The following NSMCE2 variants were observed in gnomAD, a reference collection of about 807,000 sequenced individuals.
NSMCE2 encodes the protein NSE2 SUMO ligase component of SMC5/6 complex.
In NSMCE2, 24 loss-of-function variants were observed where a neutral mutation model predicts 23.8. The ratio of observed to expected loss-of-function variants is 1.01; its 90% CI spans 0.73 to 1.42. NSMCE2 has a LOEUF of 1.42. Among genes scored for constraint, NSMCE2 ranks in the 40% most tolerant of loss-of-function variants. The probability of loss-of-function intolerance (pLI) is 0.00; values close to 1 mark genes in which losing one functional copy is unlikely to be tolerated. For missense variants in NSMCE2, 284 were observed against 296.5 expected, an observed-to-expected ratio of 0.96 and a Z score of 0.31; for synonymous variants, 92 against 94.1, an observed-to-expected ratio of 0.98 and a Z score of 0.13.
At chr8:125,205,220 A>G (rs964612337) in intron 5 of NSMCE2, among the ~76,000 whole-genome samples, 1 of 152,222 alleles carries the variant, frequency 6.6e-6, no homozygotes, top group African/African-American at 2.4e-5. Context: ...CCTAAGGTAG[A>G]GCAAGTGCAT....
At chr8:125,163,717 T>A (rs1282780262) in intron 4 of NSMCE2, among the ~76,000 whole-genome samples, 2 of 152,138 alleles carry the variant, frequency 1.3e-5, no homozygotes, top group East Asian at 3.9e-4. Context: ...GAAAGAAACT[T>A]CCTGATTCTA....
chr8:125,353,016 C>T (rs75444425), intron 5 of NSMCE2, among the ~76,000 whole-genome samples: 1,734 of 152,304 alleles, frequency 0.011, 31 homozygotes, highest in African/African-American at 0.04. Context: ...ATCACTGATG[C>T]TGGTAGCCAC....
intron 4 of NSMCE2, among the ~76,000 whole-genome samples, chr8:125,168,414 TC>T (rs1304731825): frequency 6.6e-6 from 1 of 152,206 alleles, no homozygotes; most frequent in African/African-American, 2.4e-5. Context: ...TGGACATTTG[TC>T]TTGGTTCATT....
chr8:125,257,546 T>TTTTTG (rs1826490915), intron 5 of NSMCE2, among the ~76,000 whole-genome samples: 1 of 133,498 alleles, frequency 7.5e-6, no homozygotes, highest in African/African-American at 2.9e-5. Flanking sequence ...TTTTTTTTTT[T>TTTTTG]TTTCTGAGAC....
intron 5 of NSMCE2, among the ~76,000 whole-genome samples, chr8:125,289,380 A>G (rs889232747): frequency 2.6e-5 from 4 of 152,104 alleles, no homozygotes; most frequent in Admixed American, 6.5e-5. Context: ...CTCTCAGCCA[A>G]TCTGTCTCTG....
In NSMCE2 at chr8:125,304,875, C is replaced by G. The variant is rs1365431034; in HGVS notation, c.419-52344C>G. 9.7e-5 allele frequency among the ~76,000 whole-genome samples: 13 copies of G among 134,614 alleles called. No homozygotes were observed. The Admixed American group carries it at 1.0e-3, about 11-fold the overall frequency. The allele number at this position is 134,614 out of a possible 152,430, so 88.3% of individuals were successfully genotyped here. On this transcript the variant is annotated intron_variant, in intron 5 of 7. Coordinates refer to ENST00000287437, the MANE Select transcript of NSMCE2 (RefSeq NM_173685.4). ...CTCATTTCAGCCTGGGCAACAGAGC[C>G]AGACTCTGAAAAAAAAAAAAGAGAG...
intron 4 of NSMCE2, among the ~76,000 whole-genome samples, chr8:125,162,444 T>TAA (rs1821676821): frequency 6.6e-6 from 1 of 152,192 alleles, no homozygotes; most frequent in Admixed American, 6.5e-5. Context: ...ATGGTCCTGT[T>TAA]ACAATCGTAA....
At chr8:125,266,245 C>T (rs1168977071) in intron 5 of NSMCE2, among the ~76,000 whole-genome samples, 1 of 152,160 alleles carries the variant, frequency 6.6e-6, no homozygotes, top group African/African-American at 2.4e-5. Context: ...GCATGTGCCA[C>T]CACGCCCGGC....
intron 5 of NSMCE2, among the ~76,000 whole-genome samples, chr8:125,228,674 G>GA (rs1258237954): frequency 2.0e-5 from 3 of 152,210 alleles, no homozygotes; most frequent in Non-Finnish European, 4.4e-5. Flanking sequence ...GAATGTCCCA[G>GA]AGAGTCTGGT....
At chr8:125,097,112 C>G (rs1233667964) in intron 1 of NSMCE2, among the ~76,000 whole-genome samples, 1 of 152,168 alleles carries the variant, frequency 6.6e-6, no homozygotes, top group African/African-American at 2.4e-5. Flanking sequence ...CAGTCTCTTT[C>G]AATGCAAATG....
intron 5 of NSMCE2, among the ~76,000 whole-genome samples, chr8:125,204,494 C>A (rs1327114268): frequency 6.6e-6 from 1 of 152,194 alleles, no homozygotes; most frequent in Non-Finnish European, 1.5e-5. Flanking sequence ...TCAGCCTTAA[C>A]AACCTCCATC....
At chr8:125,129,586 G>A (rs1035290583) in intron 3 of NSMCE2, among the ~76,000 whole-genome samples, 4 of 150,224 alleles carry the variant, frequency 2.7e-5, no homozygotes, top group African/African-American at 9.8e-5. Flanking sequence ...GTGTCTGTGT[G>A]TTTCATTGAT....
At chr8:125,315,411 A>G (rs1024179034) in intron 5 of NSMCE2, among the ~76,000 whole-genome samples, 1 of 152,246 alleles carries the variant, frequency 6.6e-6, no homozygotes, top group Non-Finnish European at 1.5e-5. Flanking sequence ...TGAGTCAGAC[A>G]GACCTGCTTT....
chr8:125,162,107 C>G (rs1244225743), intron 4 of NSMCE2, among the ~76,000 whole-genome samples: 1 of 152,148 alleles, frequency 6.6e-6, no homozygotes, highest in Non-Finnish European at 1.5e-5. Flanking sequence ...GGAATAAATT[C>G]TGGGTGTGCT....
At chr8:125,339,064 A>C (rs563784404) in intron 5 of NSMCE2, among the ~76,000 whole-genome samples, 1 of 152,316 alleles carries the variant, frequency 6.6e-6, no homozygotes, top group East Asian at 1.9e-4. Flanking sequence ...GGTAATTCAC[A>C]TGGGGAGAGG....
intron 5 of NSMCE2, among the ~76,000 whole-genome samples, chr8:125,231,569 A>G (rs1264816782): frequency 1.3e-5 from 2 of 152,204 alleles, no homozygotes; most frequent in East Asian, 1.9e-4. Context: ...TTTGCACACT[A>G]TAGATTGCAA....
At chr8:125,188,129 A>T (rs2130818904) in intron 5 of NSMCE2, among the ~76,000 whole-genome samples, 1 of 152,328 alleles carries the variant, frequency 6.6e-6, no homozygotes, top group East Asian at 1.9e-4. Context: ...AACTGATAAA[A>T]GGAGGGAGCG....
chr8:125,348,871 G>A (rs546847373), intron 5 of NSMCE2: 18 of 152,178 alleles, frequency 1.2e-4, no homozygotes, highest in African/African-American at 3.6e-4. Flanking sequence ...AGGAACCTAG[G>A]ATTCAGCTTC....
At chr8:125,195,879 C>CTGT (rs1823587901) in intron 5 of NSMCE2, among the ~76,000 whole-genome samples, 5 of 83,626 alleles carry the variant, frequency 6.0e-5, no homozygotes, top group Admixed American at 1.5e-4. Context: ...TCCTGAATAA[C>CTGT]TTTTTTTTTT....
Sources: allele counts gnomAD v4.1 joint callset (sites outside exome capture counted in the v4.1 genomes callset), GRCh38; gene constraint gnomAD v4.1.1; transcripts MANE v1.5; gene names NCBI Gene and HGNC (gene_info 2026-07-23, HGNC 2026-07-21).